CTNNA2: variants seen among roughly 807,000 people sequenced by gnomAD.
CTNNA2 encodes the protein catenin alpha-2.
In CTNNA2, 42 loss-of-function variants were observed where a neutral mutation model predicts 101.0. That is an observed-to-expected ratio of 0.42 (90% CI 0.32 to 0.54). The LOEUF (loss-of-function observed/expected upper bound fraction) is 0.54, where lower values mean the gene tolerates loss of function less well. Ranked by LOEUF, CTNNA2 falls within the 20% of genes least tolerant of loss-of-function variation. CTNNA2 has a pLI of 0.14. For missense variants in CTNNA2, 871 were observed against 1,223.1 expected, an observed-to-expected ratio of 0.71 and a Z score of 4.29; for synonymous variants, 450 against 456.4, an observed-to-expected ratio of 0.99 and a Z score of 0.18.
chr2:79,663,327 T>G (rs769332051), intron 2 of CTNNA2, among the ~76,000 whole-genome samples: 1 of 152,202 alleles, frequency 6.6e-6, no homozygotes, highest in Admixed American at 6.5e-5. Context: ...ATCATGTCAT[T>G]CTCTTAAGAA....
At chr2:79,211,879 G>A (rs1022887381) in intron 2 of CTNNA2, among the ~76,000 whole-genome samples, 1 of 152,154 alleles carries the variant, frequency 6.6e-6, no homozygotes, top group Admixed American at 6.5e-5. Flanking sequence ...GCTGCTTCGA[G>A]CGGGATTAGG....
intron 2 of CTNNA2, among the ~76,000 whole-genome samples, chr2:79,657,846 G>T (rs528545854): frequency 6.6e-6 from 1 of 151,740 alleles, no homozygotes; most frequent in Non-Finnish European, 1.5e-5. Context: ...ATACTAAAAA[G>T]ATATTTAATA....
chr2:79,341,513 T>C (rs1172092015), intron 3 of CTNNA2, among the ~76,000 whole-genome samples: 2 of 152,206 alleles, frequency 1.3e-5, no homozygotes, highest in Non-Finnish European at 2.9e-5. Context: ...TGTTACAGGA[T>C]GGTTTTCCAC....
intron 9 of CTNNA2, among the ~76,000 whole-genome samples, chr2:80,504,361 T>C (rs1330315447): frequency 6.6e-6 from 1 of 152,188 alleles, no homozygotes; most frequent in Non-Finnish European, 1.5e-5. Context: ...CTTGACCATC[T>C]TTTGAAAGGG....
chr2:80,224,611 ATG>A (rs1362944592), intron 7 of CTNNA2, among the ~76,000 whole-genome samples: 3 of 151,800 alleles, frequency 2.0e-5, no homozygotes, highest in Non-Finnish European at 2.9e-5. Flanking sequence ...TGCCCGGCTA[ATG>A]TTTTGTATTT....
intron 3 of CTNNA2, among the ~76,000 whole-genome samples, chr2:79,792,106 C>G (rs1209369093): frequency 6.6e-6 from 1 of 152,118 alleles, no homozygotes; most frequent in Non-Finnish European, 1.5e-5. Flanking sequence ...CAGACCTATT[C>G]TTTCTCAGCT....
intron 11 of CTNNA2, among the ~76,000 whole-genome samples, chr2:80,547,425 C>T (rs530703326): frequency 6.6e-6 from 1 of 152,190 alleles, no homozygotes; most frequent in South Asian, 2.1e-4. Context: ...TATTAAAATC[C>T]AGATCATCCT....
intron 9 of CTNNA2, among the ~76,000 whole-genome samples, chr2:80,425,272 C>T (rs1364000950): frequency 2.6e-5 from 4 of 152,084 alleles, no homozygotes; most frequent in Non-Finnish European, 4.4e-5. Flanking sequence ...TGTCAAGAAG[C>T]GCAAATTCCT....
chr2:79,439,005 G>C (rs182940466), intron 4 of CTNNA2, among the ~76,000 whole-genome samples: 19 of 152,292 alleles, frequency 1.2e-4, no homozygotes, highest in Non-Finnish European at 2.2e-4. Context: ...TTGGAAAATA[G>C]TTTGAGAGAT....
intron 7 of CTNNA2, among the ~76,000 whole-genome samples, chr2:80,093,532 G>T (rs1424629186): frequency 6.6e-6 from 1 of 152,122 alleles, no homozygotes; most frequent in Non-Finnish European, 1.5e-5. Flanking sequence ...TAATGGGATG[G>T]CTGGGTCAAA....
intron 2 of CTNNA2, among the ~76,000 whole-genome samples, chr2:79,708,649 A>T (rs1262513440): frequency 6.6e-6 from 1 of 151,674 alleles, no homozygotes; most frequent in Non-Finnish European, 1.5e-5. Context: ...TGCAATTCAT[A>T]TACTGTAATT....
intron 6 of CTNNA2, among the ~76,000 whole-genome samples, chr2:79,897,106 C>G (rs1684768495): frequency 2.6e-5 from 4 of 151,990 alleles, no homozygotes; most frequent in Admixed American, 2.6e-4. Flanking sequence ...GATGAAAATG[C>G]AACTCATTGC....
intron 8 of CTNNA2, among the ~76,000 whole-genome samples, chr2:80,404,513 A>G (rs1298238344): frequency 6.6e-6 from 1 of 152,200 alleles, no homozygotes; most frequent in South Asian, 2.1e-4. Context: ...ACTAGTAAGT[A>G]TGTGGTTACA....
intron 7 of CTNNA2, among the ~76,000 whole-genome samples, chr2:80,329,253 A>C (rs146643258): frequency 1.3e-5 from 2 of 152,316 alleles, no homozygotes; most frequent in East Asian, 3.9e-4. Flanking sequence ...TTCATGGAAA[A>C]ATATGCAACA....
intron 7 of CTNNA2, among the ~76,000 whole-genome samples, chr2:80,392,078 G>T (rs545448045): frequency 6.6e-6 from 1 of 152,210 alleles, no homozygotes; most frequent in Non-Finnish European, 1.5e-5. Context: ...GAGCGGGTAT[G>T]TATGTATCAG....
rs192213472 is a variant in CTNNA2 at position 79,939,878 on chromosome 2, A to G, written c.1056+30081A>G. Among the ~76,000 whole-genome samples, 106 of 152,286 alleles carry G rather than the reference A, an allele frequency of 7.0e-4. No homozygotes were observed. The South Asian group carries it at 0.01, about 15-fold the overall frequency. Reference sequence around the variant, plus strand: ...GAGGCCGAGGTGGGCAGATCACCTGACGTCGGGAGTTCGAGACCAGCCTGA... The same window carrying G: ...GAGGCCGAGGTGGGCAGATCACCTGGCGTCGGGAGTTCGAGACCAGCCTGA... On this transcript the variant is annotated intron_variant, in intron 7 of 18. Transcript: ENST00000402739.
intron 1 of CTNNA2, among the ~76,000 whole-genome samples, chr2:79,525,941 T>C (rs1672380068): frequency 6.6e-6 from 1 of 152,058 alleles, no homozygotes; most frequent in African/African-American, 2.4e-5. Context: ...GAAATGCTTC[T>C]GTCTATATGA....
chr2:79,563,227 GC>G (rs1674902491), intron 1 of CTNNA2, among the ~76,000 whole-genome samples: 2 of 148,216 alleles, frequency 1.3e-5, no homozygotes, highest in Non-Finnish European at 3.0e-5. Context: ...TATTTGATGT[GC>G]ATATGATACA....
rs559845659 is a variant in CTNNA2 at position 79,366,754 on chromosome 2, C to T, written c.-317-7077C>T. Among the ~76,000 whole-genome samples the T allele has an allele frequency of 1.4e-4, 21 of 152,328 alleles. 1 individual carries two copies. In the East Asian group the frequency reaches 3.9e-3, roughly 28 times the overall value. On this transcript the variant is annotated intron_variant, in intron 3 of 21. Transcript: ENST00000466387. ...AACATTTGCCATGTACAAAGAAGGA[C>T]GTTCTGCCTTGGACTAACATCCATT... is the stretch of plus-strand genomic sequence containing the variant.
Sources: allele counts gnomAD v4.1 joint callset (sites outside exome capture counted in the v4.1 genomes callset), GRCh38; gene constraint gnomAD v4.1.1; transcripts MANE v1.5; gene names NCBI Gene and HGNC (gene_info 2026-07-23, HGNC 2026-07-21).